FSD2: variants seen among roughly 807,000 people sequenced by gnomAD.
FSD2 encodes fibronectin type III and SPRY domain-containing protein 2.
A neutral mutation model predicts 80.4 loss-of-function variants in FSD2; 71 were observed. The ratio of observed to expected loss-of-function variants is 0.88; its 90% CI spans 0.73 to 1.08. The LOEUF (loss-of-function observed/expected upper bound fraction) is 1.08, where lower values mean the gene tolerates loss of function less well. FSD2 is among the 50% of genes least tolerant of loss of function. The pLI is 0.00. For synonymous variants in FSD2, 361 were observed against 329.5 expected, an observed-to-expected ratio of 1.10 and a Z score of -1.03; for missense variants, 923 against 913.8, an observed-to-expected ratio of 1.01 and a Z score of -0.13.
intron 1 of FSD2, among the ~76,000 whole-genome samples, chr15:82,801,690 C>T (rs2050416539): frequency 6.6e-6 from 1 of 152,162 alleles, no homozygotes; most frequent in Non-Finnish European, 1.5e-5. Context: ...AAACCTTACT[C>T]CTGAGACTCT....
chr15:82,759,955 G>A (rs1041251872), intron 12 of FSD2, among the ~76,000 whole-genome samples: 6 of 146,876 alleles, frequency 4.1e-5, no homozygotes, highest in Non-Finnish European at 7.6e-5. Context: ...CACCAAGCCC[G>A]GCTAATTTTT....
intron 1 of FSD2, among the ~76,000 whole-genome samples, chr15:82,795,912 A>G (rs1327149970): frequency 6.6e-6 from 1 of 152,002 alleles, no homozygotes; most frequent in Non-Finnish European, 1.5e-5. Flanking sequence ...ATACTCTAAG[A>G]CTGAGAGAAA....
Position 82,787,350 on chromosome 15 carries a change from G to C in FSD2, c.41C>G (p.Ser14Cys). The C allele has an allele frequency of 6.2e-7, 1 of 1,613,440 alleles. No individual in the cohort carries two copies. Among genetic ancestry groups the C allele is most frequent in the Non-Finnish European group, 8.5e-7 (1 of 1,179,606 alleles). ...GTAAAAGTGGAAATCCTTGGGAGTAGACCTGTCCAGCCCCAGTTCCTCCCC... is the reference window on the plus strand; with the variant it reads ...GTAAAAGTGGAAATCCTTGGGAGTACACCTGTCCAGCCCCAGTTCCTCCCC... The part of the protein sequence containing the change: ...ESGEELGLDR[S>C]TPKDFHFYHM... The change falls in exon 2 of 13, where the codon TCT (serine) becomes TGT (cysteine). Residue 14 changes from serine (S) to cysteine (C), a missense_variant. Coordinates refer to ENST00000334574, the MANE Select transcript of FSD2 (RefSeq NM_001007122.4).
rs531064535 is a variant in FSD2, at chr15:82,769,312, G to C, written c.1403-282C>G. 1.3e-3 allele frequency among the ~76,000 whole-genome samples: 205 copies of C among 152,264 alleles called. 1 individual carries two copies. The highest frequency in any genetic ancestry group is 4.4e-3 in the African/African-American group (182 of 41,548). ...CGGCTGAGTGCAGTGGCTCACGCCT[G>C]TGATCCCAGCACTTTGGGAGGCCGA... On this transcript the variant is annotated intron_variant, in intron 8 of 12. Transcript: ENST00000334574.
chr15:82,778,200 C>G (rs929181744), intron 6 of FSD2, among the ~76,000 whole-genome samples: 1 of 139,716 alleles, frequency 7.2e-6, no homozygotes, highest in Non-Finnish European at 1.5e-5. Flanking sequence ...TATGTATTCA[C>G]CAGAACTGAA....
At position 82,758,104 on chromosome 15, in the gene FSD2, T is replaced by A. The variant is rs982778929; in HGVS notation, c.*1244A>T. 6.6e-6 allele frequency: 1 copy of A among 151,702 alleles called. No individual in the cohort carries two copies. Among genetic ancestry groups the A allele is most frequent in the Non-Finnish European group, 1.5e-5 (1 of 67,974 alleles). The allele number at this position is 151,702 out of a possible 1,614,324, so 9.4% of individuals were successfully genotyped here. On this transcript the variant is annotated 3_prime_UTR_variant, in exon 13 of 13. Transcript: ENST00000334574. The stretch of plus-strand genomic sequence containing the variant: ...TTTTGTATTTTTAGTAGAGACGGGG[T>A]TTCGCCAGAAAAAAGAAAAGTGGAC...
In FSD2 at chr15:82,778,719, C is replaced by T. The variant is rs376475386; in HGVS notation, c.1111+47G>A. On this transcript the variant is annotated intron_variant, in intron 6 of 12. Coordinates refer to ENST00000334574, the MANE Select transcript of FSD2 (RefSeq NM_001007122.4). ...GTTCTCATCACAAGAAAGAAAAAAG[C>T]TCTGGGTAGTCTGAACCTGCCGCGA... is the stretch of plus-strand genomic sequence containing the variant. The T allele has an allele frequency of 4.3e-5, 67 of 1,540,990 alleles. No individual in the cohort carries two copies. The South Asian group carries it at 7.6e-4, about 17-fold the overall frequency.
chr15:82,794,281 A>T (rs984406945), intron 1 of FSD2, among the ~76,000 whole-genome samples: 1 of 151,954 alleles, frequency 6.6e-6, no homozygotes, highest in Non-Finnish European at 1.5e-5. Flanking sequence ...TATATTTGTG[A>T]GTTTTCCAAC....
chr15:82,778,940 G>GTATATA, intron 5 of FSD2, 53 bp from the exon 6 acceptor site: 1 of 1,599,404 alleles, frequency 6.3e-7, no homozygotes, highest in Non-Finnish European at 8.5e-7. Flanking sequence ...TCTCCTTAGG[G>GTATATA]TATATATATA....
intron 1 of FSD2, among the ~76,000 whole-genome samples, chr15:82,789,585 G>A (rs2050091355): frequency 6.6e-6 from 1 of 152,132 alleles, no homozygotes; most frequent in African/African-American, 2.4e-5. Context: ...GTTGAACTGG[G>A]ATTTGAGCCT....
Position 82,786,803 on chromosome 15 carries a change from T to A in FSD2, c.588A>T (p.Glu196Asp), listed in dbSNP as rs1323486107. Residue 196 changes from glutamate (E) to aspartate (D), a missense_variant, in exon 2 of 13, where the codon GAA (glutamate) becomes GAT (aspartate). Coordinates refer to ENST00000334574, the MANE Select transcript of FSD2 (RefSeq NM_001007122.4). ...GTGGGATCACTTCATGCTCCTTATG[T>A]TCATCAAAAACCTTCTGAAAAGCTC... ...PIRAFQKVFD[E>D]HKEHEVIPLN... 6.2e-7 allele frequency: 1 copy of A among 1,613,908 alleles called. No individual in the cohort carries two copies. The highest frequency in any genetic ancestry group is 8.5e-7 in the Non-Finnish European group (1 of 1,179,894).
Position 82,762,192 on chromosome 15 carries a change from A to C in FSD2, c.1907T>G (p.Val636Gly), listed in dbSNP as rs2049309114. ...ACGGACATCTGCAAAGGCCACACCA[A>C]CTCTGTAGTCCAAATGCTCATCCAC... The part of the protein sequence containing the change: ...VEVDEHLDYR[V>G]GVAFADVRKQ... Residue 636 changes from valine to glycine, a missense_variant, in exon 12 of 13, where the codon GTT (valine) becomes GGT (glycine). By Grantham distance (109) the Val-to-Gly change is moderately radical. Transcript: ENST00000334574. The C allele has an allele frequency of 6.2e-7, 1 of 1,613,780 alleles. No individual in the cohort carries two copies. Among genetic ancestry groups the C allele is most frequent in the Non-Finnish European group, 8.5e-7 (1 of 1,179,820 alleles).
chr15:82,797,682 C>T (rs1307516061), intron 1 of FSD2, among the ~76,000 whole-genome samples: 1 of 151,954 alleles, frequency 6.6e-6, no homozygotes, highest in African/African-American at 2.4e-5. Context: ...TGGTGGCGGG[C>T]GCCTGTAGTC....
chr15:82,759,426 G>A lies in FSD2; in HGVS notation c.2172C>T (p.Pro724=), dbSNP rs1289166488. The A allele has an allele frequency of 6.2e-7, 1 of 1,613,742 alleles. No individual in the cohort carries two copies. Among genetic ancestry groups the A allele is most frequent in the Non-Finnish European group, 8.5e-7 (1 of 1,179,750 alleles). The part of the protein sequence containing the change: ...FSCQLHEFVH[P]CFSLEKPGCL... ...ACCCAGGCTTTTCCAAAGAAAAACAGGGATGCACAAATTCGTGAAGCTGAC... is the reference window on the plus strand; with the variant it reads ...ACCCAGGCTTTTCCAAAGAAAAACAAGGATGCACAAATTCGTGAAGCTGAC... Residue 724 remains proline, a synonymous_variant, in exon 13 of 13, where the codon CCC becomes CCT. Coordinates refer to ENST00000334574, the MANE Select transcript of FSD2 (RefSeq NM_001007122.4).
chr15:82,791,996 T>A (rs2050163724), intron 1 of FSD2, among the ~76,000 whole-genome samples: 1 of 152,216 alleles, frequency 6.6e-6, no homozygotes, highest in South Asian at 2.1e-4. Context: ...TTGATTCGGG[T>A]GGCTTCCCAT....
Position 82,790,776 on chromosome 15 carries a change from A to G in FSD2, c.-78-3308T>C, listed in dbSNP as rs560536594. On this transcript the variant is annotated intron_variant, in intron 1 of 12. Transcript: ENST00000334574. Reference sequence around the variant, plus strand: ...TTTTTTTTGTATTTTTAGTAGAGACAGGGTTTCACTGTGTTAGCCAGGATG... The same window carrying G: ...TTTTTTTTGTATTTTTAGTAGAGACGGGGTTTCACTGTGTTAGCCAGGATG... Among the ~76,000 whole-genome samples the G allele has an allele frequency of 5.5e-3, 781 of 141,048 alleles. 4 individuals are homozygous for G. The highest frequency in any genetic ancestry group is 9.1e-3 in the Non-Finnish European group (588 of 64,740). The allele number at this position is 141,048 out of a possible 152,430, so 92.5% of individuals were successfully genotyped here.
At chr15:82,785,132 A>G (rs1014617125) in intron 3 of FSD2, among the ~76,000 whole-genome samples, 1 of 152,028 alleles carries the variant, frequency 6.6e-6, no homozygotes, top group Non-Finnish European at 1.5e-5. Flanking sequence ...CACACCTTCT[A>G]TCTCAGTCGT....
chr15:82,799,305 C>G (rs1375327540), intron 1 of FSD2, among the ~76,000 whole-genome samples: 1 of 152,156 alleles, frequency 6.6e-6, no homozygotes, highest in Non-Finnish European at 1.5e-5. Context: ...CTGTGTCCCC[C>G]GGCTCAGCTG....
At chr15:82,781,360 G>A (rs890883586) in intron 4 of FSD2, among the ~76,000 whole-genome samples, 13 of 152,216 alleles carry the variant, frequency 8.5e-5, no homozygotes, top group African/African-American at 2.9e-4. Flanking sequence ...AGCTTTATTC[G>A]CTGGCCCCTC....
Sources: allele counts gnomAD v4.1 joint callset (sites outside exome capture counted in the v4.1 genomes callset), GRCh38; gene constraint gnomAD v4.1.1; transcripts MANE v1.5; gene names NCBI Gene and HGNC (gene_info 2026-07-23, HGNC 2026-07-21).